CC2D2B: variants seen among roughly 807,000 people sequenced by gnomAD.
CC2D2B encodes the protein coiled-coil and C2 domain containing 2B.
A neutral mutation model predicts 161.2 loss-of-function variants in CC2D2B; 128 were observed. The ratio of observed to expected loss-of-function variants is 0.79; its 90% CI spans 0.69 to 0.92. The LOEUF (loss-of-function observed/expected upper bound fraction) is 0.92. CC2D2B is among the 40% of genes least tolerant of loss of function. The probability of loss-of-function intolerance (pLI) is 0.00; values close to 1 mark genes in which losing one functional copy is unlikely to be tolerated. For missense variants in CC2D2B, 1,173 were observed against 1,375.1 expected, an observed-to-expected ratio of 0.85 and a Z score of 2.32; for synonymous variants, 391 against 449.8, an observed-to-expected ratio of 0.87 and a Z score of 1.65.
intron 24 of CC2D2B, among the ~76,000 whole-genome samples, chr10:95,999,103 C>CA (rs542718513): frequency 1.3e-5 from 2 of 152,132 alleles, no homozygotes; most frequent in Admixed American, 6.5e-5. Flanking sequence ...AAAAAACAAA[C>CA]AAAAAAACCT....
chr10:96,024,724 T>C, intron 32 of CC2D2B, 129 bp from the exon 33 acceptor site: 1 of 521,430 alleles, frequency 1.9e-6, no homozygotes, highest in Middle Eastern at 2.9e-4. Flanking sequence ...GCATGTTACC[T>C]ATGGAATTGA....
chr10:96,018,205 AT>A, intron 30 of CC2D2B, among the ~76,000 whole-genome samples: 1 of 152,270 alleles, frequency 6.6e-6, no homozygotes, highest in Middle Eastern at 3.4e-3. Flanking sequence ...AAATAGTCTC[AT>A]TATTATTATT....
chr10:95,932,388 T>A (rs1346016553), intron 6 of CC2D2B, among the ~76,000 whole-genome samples: 2 of 152,226 alleles, frequency 1.3e-5, no homozygotes, highest in African/African-American at 4.8e-5. Flanking sequence ...CATTTAAGAT[T>A]AATATTGTTC....
At chr10:95,981,197 T>G (rs988328322) in intron 17 of CC2D2B, among the ~76,000 whole-genome samples, 1 of 151,996 alleles carries the variant, frequency 6.6e-6, no homozygotes, top group Non-Finnish European at 1.5e-5. Context: ...ATTGAAACCA[T>G]CCTGGCCAAC....
chr10:95,963,277 C>G (rs2076829680), intron 12 of CC2D2B, among the ~76,000 whole-genome samples: 2 of 152,160 alleles, frequency 1.3e-5, no homozygotes, highest in Non-Finnish European at 2.9e-5. Context: ...TCCTGGCCAA[C>G]TTTACCACTA....
In CC2D2B at chr10:95,955,448, C is replaced by G. The variant is rs1484815209; in HGVS notation, c.1066C>G (p.Gln356Glu). The change falls in exon 11 of 35, where the codon CAG becomes GAG. Residue 356 changes from glutamine (Q) to glutamate (E), a missense_variant. By Grantham distance (29) the Gln-to-Glu change is conservative. Around this residue, in one of 3 missense-constraint regions of CC2D2B, gnomAD observed 298 missense variants for 261.2 expected, o/e 1.14. Transcript: ENST00000646931. ...GTCAAATGAAAATTCAGAAATTAAC[C>G]AGCTGACCAGAAAATCTTTACAAGA... ...KLSNENSEIN[Q>E]LTRKSLQDYY... The G allele has an allele frequency of 5.0e-6, 2 of 398,026 alleles. No individual in the cohort carries two copies. Among genetic ancestry groups the G allele is most frequent in the African/African-American group, 4.1e-5 (2 of 48,518 alleles). The allele number at this position is 398,026 out of a possible 1,614,324, so 24.7% of individuals were successfully genotyped here.
Position 95,937,990 on chromosome 10 carries a change from G to A in CC2D2B, c.337-1G>A, listed in dbSNP as rs1435064152. ...TTATTTTCCTTTTTGGTATTCAACA[G>A]AGACCAGTAAACCGTAGTTATCCCA... On this transcript the variant is annotated splice_acceptor_variant, in intron 6 of 34. Transcript: ENST00000646931. LOFTEE classifies it high-confidence loss of function. The A allele has an allele frequency of 1.3e-6, 2 of 1,532,702 alleles. No individual in the cohort carries two copies. The highest frequency in any genetic ancestry group is 2.4e-5 in the South Asian group (2 of 83,000). The allele number at this position is 1,532,702 out of a possible 1,614,324, so 94.9% of individuals were successfully genotyped here. A position where few individuals can be genotyped will look rare whatever the true frequency, so the allele number is the denominator to read the frequency against.
At position 95,992,579 on chromosome 10, in the gene CC2D2B, C is replaced by T; in HGVS notation, c.2524C>T (p.Pro842Ser). 1 of 1,234,190 alleles carries T rather than the reference C, an allele frequency of 8.1e-7. No individual in the cohort carries two copies. The highest frequency in any genetic ancestry group is 1.0e-6 in the Non-Finnish European group (1 of 988,082). 76.5% of individuals were successfully genotyped at this position (1,234,190 alleles called of 1,614,324 possible). Residue 842 changes from proline to serine, a missense_variant, in exon 22 of 35, where the codon CCT becomes TCT. Physicochemically the swap from Pro to Ser is moderately conservative, Grantham distance 74 (BLOSUM62 -1). This residue lies in a region of CC2D2B where 598 missense variants were observed against 693.2 expected (regional missense o/e 0.86). Transcript: ENST00000646931. ...TGTTGAACCACGGAGAAAGTTAAAA[C>T]CTCAGAGGAAAGAAAGGAAAAAAGT... ...KFVEPRRKLK[P>S]QRKERKKVTA...
intron 17 of CC2D2B, among the ~76,000 whole-genome samples, chr10:95,977,637 C>A (rs541684907): frequency 6.6e-6 from 1 of 152,304 alleles, no homozygotes; most frequent in Non-Finnish European, 1.5e-5. Context: ...CTATGGATAG[C>A]AAAATTCTTT....
At chr10:95,948,042 T>A (rs2076282991) in intron 9 of CC2D2B, among the ~76,000 whole-genome samples, 2 of 152,214 alleles carry the variant, frequency 1.3e-5, no homozygotes, top group African/African-American at 4.8e-5. Context: ...TATAGGAAAT[T>A]ATTTTTGGTT....
At chr10:96,002,937 G>C (rs61871146) in intron 24 of CC2D2B, among the ~76,000 whole-genome samples, 1 of 151,556 alleles carries the variant, frequency 6.6e-6, no homozygotes, top group Non-Finnish European at 1.5e-5. Context: ...CCAGCTACTC[G>C]AGAGGCTGAG....
At chr10:95,959,232 C>G (rs2076681325) in intron 11 of CC2D2B, among the ~76,000 whole-genome samples, 3 of 152,110 alleles carry the variant, frequency 2.0e-5, no homozygotes, top group Non-Finnish European at 4.4e-5. Flanking sequence ...GACTAGAGTA[C>G]TTTCTAGAAC....
rs531608950 is a variant in CC2D2B, at chr10:95,996,933, G to C, written c.2849+681G>C. 5.3e-5 allele frequency among the ~76,000 whole-genome samples: 8 copies of C among 152,198 alleles called. No individual in the cohort carries two copies. In the South Asian group the frequency reaches 1.5e-3, roughly 28 times the overall value. On this transcript the variant is annotated intron_variant, in intron 24 of 34. Coordinates refer to ENST00000646931, the MANE Select transcript of CC2D2B (RefSeq NM_001349008.3). Reference sequence around the variant, plus strand: ...CATTATAAAAAGGGCTTGCAGTGTGGGTTCACTTTCTTCTACTCTTCCGCC... The same window carrying C: ...CATTATAAAAAGGGCTTGCAGTGTGCGTTCACTTTCTTCTACTCTTCCGCC...
Position 95,995,365 on chromosome 10 carries a change from GGTAA to G in CC2D2B, c.2739+4_2739+7del, listed in dbSNP as rs751537402. 1.2e-5 allele frequency: 18 copies of G among 1,453,604 alleles called. No homozygotes were observed. The highest frequency in any genetic ancestry group is 5.6e-5 in the African/African-American group (4 of 70,882). The allele number at this position is 1,453,604 out of a possible 1,614,324, so 90.0% of individuals were successfully genotyped here. On this transcript the variant is annotated splice_donor_variant and splice_donor_region_variant and intron_variant, in intron 23 of 34. Coordinates refer to ENST00000646931, the MANE Select transcript of CC2D2B (RefSeq NM_001349008.3). LOFTEE classifies it high-confidence loss of function. ...TAGCCTCAGATGAGACCTTACATGA[GGTAA>G]GTATTTAACACTTCTATAAAGTATA...
chr10:95,924,226 T>G, intron 3 of CC2D2B, 88 bp from the exon 4 acceptor site: 1 of 647,568 alleles, frequency 1.5e-6, no homozygotes. Flanking sequence ...TGCATGCAAT[T>G]AAAGAATTTA....
chr10:95,938,155 G>C lies in CC2D2B; in HGVS notation c.501G>C (p.Gln167His). The C allele has an allele frequency of 6.5e-7, 1 of 1,550,160 alleles. No homozygotes were observed. Among genetic ancestry groups the C allele is most frequent in the Non-Finnish European group, 8.7e-7 (1 of 1,146,012 alleles). ...ATGATCAAGAACAAATAAAAAAACA[G>C]AAGGCAAATATTTTTGTACCAAGTA... ...YEDDQEQIKK[Q>H]KANIFVPSSS... The change falls in exon 7 of 35, where the codon CAG becomes CAC. Residue 167 changes from glutamine (Q) to histidine (H), a missense_variant. Physicochemically the swap from Gln to His is conservative, Grantham distance 24. Transcript: ENST00000646931.
chr10:96,000,835 C>T (rs907835945), intron 24 of CC2D2B: 3 of 152,074 alleles, frequency 2.0e-5, no homozygotes, highest in African/African-American at 7.2e-5. Flanking sequence ...ATGGTATGTC[C>T]TTTTAAAAAA....
intron 6 of CC2D2B, among the ~76,000 whole-genome samples, chr10:95,932,270 T>G (rs950457114): frequency 2.0e-5 from 3 of 152,224 alleles, no homozygotes; most frequent in Admixed American, 6.5e-5. Context: ...AGCCTATGTG[T>G]GTCTTTGCAT....
intron 20 of CC2D2B, among the ~76,000 whole-genome samples, chr10:95,988,797 ACT>A (rs1460844570): frequency 6.6e-6 from 1 of 151,998 alleles, no homozygotes; most frequent in Non-Finnish European, 1.5e-5. Flanking sequence ...TTTACAAAAC[ACT>A]CTAGCAGAGT....
Sources: allele counts gnomAD v4.1 joint callset (sites outside exome capture counted in the v4.1 genomes callset), GRCh38; gene constraint gnomAD v4.1.1; regional missense constraint gnomAD v4.1.1; transcripts MANE v1.5; gene names NCBI Gene and HGNC (gene_info 2026-07-23, HGNC 2026-07-21).